The following TBL1XR1 variants were observed in gnomAD, a reference collection of about 807,000 sequenced individuals.
The protein encoded by TBL1XR1 is TBL1X/Y related 1.
Under a neutral mutation model 66.9 loss-of-function variants are expected in TBL1XR1, and 5 were observed. That is an observed-to-expected ratio of 0.07 (90% CI 0.04 to 0.16). The LOEUF (loss-of-function observed/expected upper bound fraction) is 0.16, where lower values mean the gene tolerates loss of function less well. Among genes scored for constraint, TBL1XR1 ranks in the 10% least tolerant of loss-of-function variants. The probability of loss-of-function intolerance (pLI) is 1.00; values close to 1 mark genes in which losing one functional copy is unlikely to be tolerated. For missense variants in TBL1XR1, 238 were observed against 623.2 expected, an observed-to-expected ratio of 0.38 and a Z score of 6.58; for synonymous variants, 210 against 206.0, an observed-to-expected ratio of 1.02 and a Z score of -0.17.
At chr3:177,112,295 G>A (rs1402594825) in intron 1 of TBL1XR1, among the ~76,000 whole-genome samples, 10 of 150,402 alleles carry the variant, frequency 6.6e-5, no homozygotes. Context: ...TTTAGTAGAG[G>A]TGGGGTTTTG....
At chr3:177,164,102 A>T (rs1732538170) in intron 1 of TBL1XR1, 1 of 152,252 alleles carries the variant, frequency 6.6e-6, no homozygotes. Flanking sequence ...CCAACCGTGC[A>T]CACGCATACG....
At chr3:177,035,324 T>G (rs893050037) in intron 12 of TBL1XR1, among the ~76,000 whole-genome samples, 1 of 152,180 alleles carries the variant, frequency 6.6e-6, no homozygotes, top group Non-Finnish European at 1.5e-5. Flanking sequence ...CCCTCTTGAT[T>G]TGGTGATTGT....
chr3:177,047,560 A>G lies in TBL1XR1; in HGVS notation c.703-11T>C. ...AAGTGTACCTTCACTCTGCCAGAGA[A>G]AAACATTTCTTTAATTATATAATCT... On this transcript the variant is annotated splice_polypyrimidine_tract_variant and intron_variant, in intron 7 of 15. Coordinates refer to ENST00000457928, the MANE Select transcript of TBL1XR1 (RefSeq NM_024665.7). 1 of 1,611,204 alleles carries G rather than the reference A, an allele frequency of 6.2e-7. No individual in the cohort carries two copies. The highest frequency in any genetic ancestry group is 8.5e-7 in the Non-Finnish European group (1 of 1,178,330).
chr3:177,085,759 T>G (rs1722041380), intron 2 of TBL1XR1, among the ~76,000 whole-genome samples: 3 of 152,044 alleles, frequency 2.0e-5, no homozygotes, highest in African/African-American at 7.2e-5. Context: ...ATAACAAATA[T>G]CTTTAGCTCT....
intron 14 of TBL1XR1, among the ~76,000 whole-genome samples, chr3:177,031,822 G>A (rs1320550435): frequency 2.0e-5 from 3 of 151,572 alleles, no homozygotes; most frequent in African/African-American, 7.2e-5. Flanking sequence ...TAAGATTCAG[G>A]CTTAATAATC....
chr3:177,068,759 T>C (rs1020967947), intron 2 of TBL1XR1, among the ~76,000 whole-genome samples: 4 of 152,178 alleles, frequency 2.6e-5, no homozygotes, highest in African/African-American at 4.8e-5. Flanking sequence ...GATCCTCGAT[T>C]ACATAATTTT....
rs145838308 is a variant in TBL1XR1, at chr3:177,054,073, T to TGTGTGC, written c.59-156_59-155insGCACAC. Among the ~76,000 whole-genome samples the TGTGTGC allele has an allele frequency of 0.02, 2,469 of 124,842 alleles. 58 individuals are homozygous for TGTGTGC. The highest frequency in any genetic ancestry group is 0.063 in the African/African-American group (2,159 of 34,188). 81.9% of individuals were successfully genotyped at this position (124,842 alleles called of 152,430 possible). A position where few individuals can be genotyped will look rare whatever the true frequency, so the allele number is the denominator to read the frequency against. On this transcript the variant is annotated intron_variant, in intron 3 of 15. Coordinates refer to ENST00000457928, the MANE Select transcript of TBL1XR1 (RefSeq NM_024665.7). ...GTGTGTGTGTGTGTGTGTGTGTGTGTGCGCGCGCGTGTGTGTGCATGTAAA... is the reference window on the plus strand; with the variant it reads ...GTGTGTGTGTGTGTGTGTGTGTGTGTGTGTGCGCGCGCGCGTGTGTGTGCATGTAAA...
intron 1 of TBL1XR1, among the ~76,000 whole-genome samples, chr3:177,189,965 A>T (rs748692608): frequency 6.6e-6 from 1 of 151,780 alleles, no homozygotes; most frequent in Non-Finnish European, 1.5e-5. Context: ...AAAACCTAAC[A>T]GATTAAGAAA....
intron 1 of TBL1XR1, among the ~76,000 whole-genome samples, chr3:177,133,082 T>G (rs1018368082): frequency 1.3e-5 from 2 of 152,188 alleles, no homozygotes; most frequent in Admixed American, 6.5e-5. Context: ...TGTCAGGAGT[T>G]TGAGACCAGC....
chr3:177,049,548 T>C (rs532792982), intron 7 of TBL1XR1, among the ~76,000 whole-genome samples: 1 of 152,332 alleles, frequency 6.6e-6, no homozygotes, highest in Non-Finnish European at 1.5e-5. Flanking sequence ...AATAAAGTTC[T>C]ACCAGTTCAC....
chr3:177,025,598 T>C (rs1261879548), intron 15 of TBL1XR1, 74 bp from the exon 16 acceptor site: 1 of 1,411,970 alleles, frequency 7.1e-7, no homozygotes, highest in Non-Finnish European at 9.8e-7. Context: ...TTTTCTATAG[T>C]ACAATTTGAA....
intron 1 of TBL1XR1, among the ~76,000 whole-genome samples, chr3:177,100,303 A>G (rs1724036765): frequency 6.6e-6 from 1 of 152,198 alleles, no homozygotes; most frequent in Admixed American, 6.5e-5. Flanking sequence ...CAGTGCTATA[A>G]TATTTTTGTT....
intron 2 of TBL1XR1, among the ~76,000 whole-genome samples, chr3:177,095,248 G>A (rs1723326469): frequency 6.6e-6 from 1 of 152,004 alleles, no homozygotes; most frequent in African/African-American, 2.4e-5. Context: ...GCGGGTAGGA[G>A]AGGGCGGGTG....
chr3:177,081,406 C>T (rs1721371694), intron 2 of TBL1XR1, among the ~76,000 whole-genome samples: 1 of 152,034 alleles, frequency 6.6e-6, no homozygotes, highest in Non-Finnish European at 1.5e-5. Flanking sequence ...CAATTTTATC[C>T]ATCTATCTTA....
chr3:177,165,362 G>A (rs1416409699), intron 1 of TBL1XR1, among the ~76,000 whole-genome samples: 1 of 152,120 alleles, frequency 6.6e-6, no homozygotes, highest in Non-Finnish European at 1.5e-5. Flanking sequence ...AATAAATGGA[G>A]AAATACTCCA....
At chr3:177,178,636 C>T (rs1215021193) in intron 1 of TBL1XR1, among the ~76,000 whole-genome samples, 2 of 152,164 alleles carry the variant, frequency 1.3e-5, no homozygotes, top group African/African-American at 4.8e-5. Flanking sequence ...CACCTGAGGT[C>T]AGGAGTTCGA....
At chr3:177,101,040 G>C (rs1724142094) in intron 1 of TBL1XR1, among the ~76,000 whole-genome samples, 1 of 152,022 alleles carries the variant, frequency 6.6e-6, no homozygotes, top group Non-Finnish European at 1.5e-5. Context: ...TTTTTTAGTA[G>C]AGACGGGGGT....
intron 1 of TBL1XR1, among the ~76,000 whole-genome samples, chr3:177,181,833 A>AC (rs1560272541): frequency 8.2e-6 from 1 of 121,948 alleles, no homozygotes; most frequent in East Asian, 2.0e-4. Context: ...AAAAAAAAAA[A>AC]AAAACACACA....
intron 1 of TBL1XR1, among the ~76,000 whole-genome samples, chr3:177,104,115 C>G (rs76812464): frequency 1.2e-5 from 1 of 81,522 alleles, no homozygotes; most frequent in South Asian, 4.3e-4. Context: ...GACTCGGTCT[C>G]CAAAAAAAAA....
Sources: allele counts gnomAD v4.1 joint callset (sites outside exome capture counted in the v4.1 genomes callset), GRCh38; gene constraint gnomAD v4.1.1; transcripts MANE v1.5; gene names NCBI Gene and HGNC (gene_info 2026-07-23, HGNC 2026-07-21).